The following PGCKA1 variants were observed in gnomAD, a reference collection of about 807,000 sequenced individuals.
The protein encoded by PGCKA1 is PDCD10 and GCKIII kinases-associated protein 1.
At chr4:37,581,109 C>G in the PGCKA1 span, among the ~76,000 whole-genome samples, 8 of 152,060 alleles carry the variant, frequency 5.3e-5, no homozygotes, top group African/African-American at 1.9e-4. This position sits in a 1 kb window ranked among gnomAD's most constrained non-coding sequence, Gnocchi z 4.4. Context: ...TAAGTTCTGC[C>G]AGGCCTAGGA....
chr4:37,544,506 A>ATT, the PGCKA1 span, among the ~76,000 whole-genome samples: 114 of 149,990 alleles, frequency 7.6e-4, no homozygotes, highest in Middle Eastern at 6.8e-3. Flanking sequence ...TGGTCTTCTA[A>ATT]TTTTTTTTTA....
chr4:37,571,234 C>T, the PGCKA1 span, among the ~76,000 whole-genome samples: 260 of 151,972 alleles, frequency 1.7e-3, no homozygotes, highest in African/African-American at 6.1e-3. Flanking sequence ...CTCTAGAGTT[C>T]TCATCCTGGG....
chr4:37,479,260 A>G, the PGCKA1 span, among the ~76,000 whole-genome samples: 1 of 152,192 alleles, frequency 6.6e-6, no homozygotes, highest in Non-Finnish European at 1.5e-5. Flanking sequence ...TATCTCTTCT[A>G]TATTCAGCTT....
the PGCKA1 span, among the ~76,000 whole-genome samples, chr4:37,531,232 A>C: frequency 7.2e-5 from 11 of 152,190 alleles, no homozygotes; most frequent in Admixed American, 4.6e-4. Context: ...CTTCCTTCTC[A>C]GGTAAGGAAA....
the PGCKA1 span, among the ~76,000 whole-genome samples, chr4:37,575,562 CCGT>C: frequency 6.6e-5 from 10 of 151,966 alleles, no homozygotes; most frequent in Non-Finnish European, 1.3e-4. Flanking sequence ...TCTCTTCACT[CCGT>C]TGATTGTTTT....
chr4:37,546,406 C>T, the PGCKA1 span, among the ~76,000 whole-genome samples: 3 of 152,180 alleles, frequency 2.0e-5, no homozygotes, highest in African/African-American at 7.2e-5. Context: ...TATGGAAGAA[C>T]ATTGTGAAAC....
chr4:37,536,000 T>A, the PGCKA1 span, among the ~76,000 whole-genome samples: 2 of 152,258 alleles, frequency 1.3e-5, no homozygotes, highest in African/African-American at 4.8e-5. Flanking sequence ...AATGAGATCA[T>A]GCACATAAAG....
chr4:37,499,491 T>G, the PGCKA1 span, among the ~76,000 whole-genome samples: 1 of 152,318 alleles, frequency 6.6e-6, no homozygotes, highest in East Asian at 1.9e-4. Flanking sequence ...TTGGAGCTCA[T>G]TGGCCTTTTA....
the PGCKA1 span, among the ~76,000 whole-genome samples, chr4:37,551,306 A>T: frequency 1.3e-5 from 2 of 152,218 alleles, no homozygotes; most frequent in Non-Finnish European, 2.9e-5. Context: ...AAGCGTAGCC[A>T]TAGGTAATTA....
chr4:37,563,827 CTG>C, the PGCKA1 span, among the ~76,000 whole-genome samples: 1 of 152,212 alleles, frequency 6.6e-6, no homozygotes, highest in Non-Finnish European at 1.5e-5. Context: ...TTCCAGATGT[CTG>C]CCATCTCCCA....
At chr4:37,518,693 T>A in the PGCKA1 span, among the ~76,000 whole-genome samples, 6 of 152,240 alleles carry the variant, frequency 3.9e-5, no homozygotes, top group Admixed American at 3.9e-4. Context: ...ATGGGTAGTT[T>A]GCAAATATTT....
chr4:37,507,020 A>G, the PGCKA1 span, among the ~76,000 whole-genome samples: 1 of 152,092 alleles, frequency 6.6e-6, no homozygotes, highest in Non-Finnish European at 1.5e-5. Flanking sequence ...CAACTCCTTT[A>G]TTATTACATA....
chr4:37,463,011 G>A, the PGCKA1 span, among the ~76,000 whole-genome samples: 867 of 150,090 alleles, frequency 5.8e-3, 11 homozygotes, highest in African/African-American at 0.02. Context: ...ATCATGACCT[G>A]GAAGGGGTCT....
the PGCKA1 span, among the ~76,000 whole-genome samples, chr4:37,469,255 A>G: frequency 3.9e-5 from 6 of 152,222 alleles, no homozygotes; most frequent in African/African-American, 4.8e-5. Context: ...ACATATTCCC[A>G]TTATTAAGCA....
chr4:37,525,501 C>CTA, the PGCKA1 span, among the ~76,000 whole-genome samples: 1 of 92,366 alleles, frequency 1.1e-5, no homozygotes, highest in South Asian at 4.5e-4. Context: ...TACTTTTAAA[C>CTA]TGTATTAGCA....
At chr4:37,591,154 G>A in the PGCKA1 span, 1 of 627,236 alleles carries the variant, frequency 1.6e-6, no homozygotes, top group Non-Finnish European at 2.7e-6. Flanking sequence ...GTCAGCATCT[G>A]TCCCATGCTG....
the PGCKA1 span, chr4:37,460,941 T>A: frequency 2.7e-6 from 1 of 377,204 alleles, no homozygotes; most frequent in Admixed American, 3.4e-5. Context: ...ATTGCCTAGA[T>A]TCTCTTCTGG....
At chr4:37,473,933 T>C in the PGCKA1 span, among the ~76,000 whole-genome samples, 1 of 152,182 alleles carries the variant, frequency 6.6e-6, no homozygotes, top group East Asian at 1.9e-4. Flanking sequence ...TCACCTGAAA[T>C]GCAGTCTATC....
the PGCKA1 span, among the ~76,000 whole-genome samples, chr4:37,527,049 T>C: frequency 6.6e-6 from 1 of 152,054 alleles, no homozygotes; most frequent in Non-Finnish European, 1.5e-5. Flanking sequence ...AGGCCTAAGC[T>C]AATGTGTGAG....
Sources: gnomAD v4.1 joint callset for allele counts (sites outside exome capture counted in the v4.1 genomes callset) on GRCh38, gnomAD v4.1.1 for gene constraint, Gnocchi (gnomAD v3.1) non-coding constraint, MANE v1.5 for transcripts, NCBI Gene and HGNC (gene_info 2026-07-23, HGNC 2026-07-21) for gene names.